ZNF407: variants seen among roughly 807,000 people sequenced by gnomAD.
ZNF407 encodes the protein zinc finger protein 407.
Under a neutral mutation model 131.2 loss-of-function variants are expected in ZNF407, and 17 were observed. That is an observed-to-expected ratio of 0.13 (90% confidence interval 0.09 to 0.19). The LOEUF is 0.19. Ranked by LOEUF, ZNF407 falls within the 10% of genes least tolerant of loss-of-function variation. The probability of loss-of-function intolerance (pLI) is 1.00; values close to 1 mark genes in which losing one functional copy is unlikely to be tolerated. For synonymous variants in ZNF407, 1,156 were observed against 1,062.0 expected, an observed-to-expected ratio of 1.09 and a Z score of -1.72; for missense variants, 2,681 against 2,830.6, an observed-to-expected ratio of 0.95 and a Z score of 1.20.
At chr18:74,981,321 A>G (rs905899591) in intron 8 of ZNF407, among the ~76,000 whole-genome samples, 1 of 152,172 alleles carries the variant, frequency 6.6e-6, no homozygotes, top group African/African-American at 2.4e-5. Context: ...TGCGTCTAGG[A>G]GTGAGTCCCT....
chr18:74,802,476 T>C (rs999272050), intron 4 of ZNF407, among the ~76,000 whole-genome samples: 1 of 152,212 alleles, frequency 6.6e-6, no homozygotes, highest in Non-Finnish European at 1.5e-5. Context: ...CAACCGACAA[T>C]GTGTGGTAGT....
At chr18:75,011,237 A>G (rs1483260825) in intron 8 of ZNF407, among the ~76,000 whole-genome samples, 1 of 152,166 alleles carries the variant, frequency 6.6e-6, no homozygotes, top group Non-Finnish European at 1.5e-5. Flanking sequence ...CTCCTCAGAT[A>G]CCTGCAAATC....
At chr18:74,948,815 A>G (rs528322548) in intron 8 of ZNF407, among the ~76,000 whole-genome samples, 1 of 152,360 alleles carries the variant, frequency 6.6e-6, no homozygotes, top group South Asian at 2.1e-4. Flanking sequence ...AACAGTTAGA[A>G]TGTCTGGCCT....
At chr18:75,006,977 T>C (rs1292952445) in intron 8 of ZNF407, among the ~76,000 whole-genome samples, 2 of 152,156 alleles carry the variant, frequency 1.3e-5, no homozygotes, top group Non-Finnish European at 2.9e-5. Flanking sequence ...TCTATTCTGT[T>C]GCAGACTACT....
At chr18:74,738,446 A>G (rs1399277211) in intron 3 of ZNF407, among the ~76,000 whole-genome samples, 10 of 105,088 alleles carry the variant, frequency 9.5e-5, no homozygotes, top group Non-Finnish European at 1.9e-4. Context: ...AAAAAAAAAA[A>G]AAGGAGAAGT....
intron 1 of ZNF407, among the ~76,000 whole-genome samples, chr18:74,617,869 T>C (rs1020676863): frequency 2.7e-4 from 41 of 152,328 alleles, no homozygotes; most frequent in African/African-American, 9.4e-4. Context: ...CCCCTAGATT[T>C]GGTATTCCTT....
intron 1 of ZNF407, among the ~76,000 whole-genome samples, chr18:74,628,310 A>G (rs1882881275): frequency 6.6e-6 from 1 of 152,134 alleles, no homozygotes; most frequent in Non-Finnish European, 1.5e-5. Flanking sequence ...TATTATATTC[A>G]TGGATGTGTG....
intron 8 of ZNF407, among the ~76,000 whole-genome samples, chr18:74,947,323 T>C (rs1972164368): frequency 1.3e-5 from 2 of 152,094 alleles, no homozygotes; most frequent in African/African-American, 2.4e-5. Context: ...AATAAAAATA[T>C]TATGAAGTAA....
chr18:75,064,578 G>C lies in ZNF407; in HGVS notation c.*110G>C, dbSNP rs1040187096. 9 of 1,010,718 alleles carry C rather than the reference G, an allele frequency of 8.9e-6. No homozygotes were observed. Among genetic ancestry groups the C allele is most frequent in the African/African-American group, 8.1e-5 (5 of 61,852 alleles). The allele number at this position is 1,010,718 out of a possible 1,614,324, so 62.6% of individuals were successfully genotyped here. On this transcript the variant is annotated 3_prime_UTR_variant, in exon 9 of 9. Transcript: ENST00000299687. ...AAACCTTCAAAACCATGAGGACAAGGCTCCCGTGAGCTCTGAGCATGCCCT... is the reference window on the plus strand; with the variant it reads ...AAACCTTCAAAACCATGAGGACAAGCCTCCCGTGAGCTCTGAGCATGCCCT...
chr18:74,787,034 T>C (rs1410054872), intron 4 of ZNF407, among the ~76,000 whole-genome samples: 1 of 151,948 alleles, frequency 6.6e-6, no homozygotes, highest in Non-Finnish European at 1.5e-5. Flanking sequence ...CTCAAACTCC[T>C]CACCTCAGGT....
In ZNF407 at chr18:74,894,430, A is replaced by G. The variant is rs576619551; in HGVS notation, c.5249+4392A>G. ...TACATGTCACCTCTGTATTAATGAG[A>G]ATGAAATAGAAAAAAAATTAGTGTG... On this transcript the variant is annotated intron_variant, in intron 7 of 8. Transcript: ENST00000299687. Among the ~76,000 whole-genome samples the G allele has an allele frequency of 2.6e-5, 4 of 152,174 alleles. No homozygotes were observed. In the South Asian group the frequency reaches 8.3e-4, roughly 32 times the overall value.
intron 1 of ZNF407, among the ~76,000 whole-genome samples, chr18:74,602,172 C>T (rs761045435): frequency 8.5e-5 from 13 of 152,138 alleles, no homozygotes; most frequent in Non-Finnish European, 1.2e-4. Context: ...TGGAATAAAA[C>T]CCAGAAATAG....
chr18:74,859,070 G>A (rs1402547073), intron 4 of ZNF407, among the ~76,000 whole-genome samples: 1 of 152,120 alleles, frequency 6.6e-6, no homozygotes, highest in Admixed American at 6.6e-5. Flanking sequence ...GCAGTGTACG[G>A]TTATGAAGTG....
At chr18:74,977,802 G>A (rs1412195059) in intron 8 of ZNF407, among the ~76,000 whole-genome samples, 1 of 152,188 alleles carries the variant, frequency 6.6e-6, no homozygotes, top group Non-Finnish European at 1.5e-5. Context: ...AGTTTCATTG[G>A]CATTTGCCGA....
At chr18:74,890,076 C>G in intron 7 of ZNF407, 38 bp downstream of exon 7, 1 of 1,447,868 alleles carries the variant, frequency 6.9e-7, no homozygotes, top group Non-Finnish European at 9.1e-7. Flanking sequence ...TCAGGTGGGC[C>G]GCCATGATGG....
At chr18:75,060,488 T>A (rs1041188147) in intron 8 of ZNF407, among the ~76,000 whole-genome samples, 6 of 142,416 alleles carry the variant, frequency 4.2e-5, no homozygotes, top group African/African-American at 1.5e-4. Flanking sequence ...TGCAGCTCTT[T>A]TCTTTTTTTT....
chr18:75,011,169 A>G (rs1354695823), intron 8 of ZNF407, among the ~76,000 whole-genome samples: 3 of 152,220 alleles, frequency 2.0e-5, no homozygotes, highest in Non-Finnish European at 4.4e-5. Flanking sequence ...TACCAAAGTA[A>G]TAATGGACTT....
intron 8 of ZNF407, among the ~76,000 whole-genome samples, chr18:75,022,044 T>C (rs1973116927): frequency 6.6e-6 from 1 of 152,006 alleles, no homozygotes; most frequent in Non-Finnish European, 1.5e-5. Flanking sequence ...AGATCAATCA[T>C]AAAATAGAAA....
At chr18:74,888,889 G>T (rs1182331666) in intron 6 of ZNF407, among the ~76,000 whole-genome samples, 3 of 152,148 alleles carry the variant, frequency 2.0e-5, no homozygotes, top group Non-Finnish European at 4.4e-5. Context: ...AACTTCTCAT[G>T]GGTAGAATGG....
Sources: allele counts gnomAD v4.1 joint callset (sites outside exome capture counted in the v4.1 genomes callset), GRCh38; gene constraint gnomAD v4.1.1; transcripts MANE v1.5; gene names NCBI Gene and HGNC (gene_info 2026-07-23, HGNC 2026-07-21).